GABRB2: variants seen among roughly 807,000 people sequenced by gnomAD.
The protein encoded by GABRB2 is gamma-aminobutyric acid receptor subunit beta-2.
A neutral mutation model predicts 54.7 loss-of-function variants in GABRB2; 16 were observed. That is an observed-to-expected ratio of 0.29 (90% CI 0.20 to 0.44). The LOEUF (loss-of-function observed/expected upper bound fraction) is 0.44. Among genes scored for constraint, GABRB2 ranks in the 20% least tolerant of loss-of-function variants. GABRB2 has a pLI of 1.00. For missense variants in GABRB2, 355 were observed against 644.0 expected, an observed-to-expected ratio of 0.55 and a Z score of 4.86; for synonymous variants, 244 against 233.8, an observed-to-expected ratio of 1.04 and a Z score of -0.40.
intron 3 of GABRB2, among the ~76,000 whole-genome samples, chr5:161,508,142 T>C (rs1205487257): frequency 6.6e-6 from 1 of 151,760 alleles, no homozygotes; most frequent in African/African-American, 2.4e-5. Flanking sequence ...TACTCTGCTA[T>C]AGGTACTATA....
chr5:161,390,851 T>C (rs1000296584), intron 5 of GABRB2, among the ~76,000 whole-genome samples: 4 of 152,140 alleles, frequency 2.6e-5, no homozygotes, highest in African/African-American at 7.2e-5. Context: ...TCGCCTATGT[T>C]CTTGCTTCTA....
chr5:161,507,293 G>A (rs1386592328), intron 3 of GABRB2, among the ~76,000 whole-genome samples: 3 of 151,982 alleles, frequency 2.0e-5, no homozygotes, highest in East Asian at 3.8e-4. Flanking sequence ...AATAAAGCCT[G>A]TTATTTAATG....
At chr5:161,393,529 T>C (rs911818664) in intron 5 of GABRB2, among the ~76,000 whole-genome samples, 1 of 151,600 alleles carries the variant, frequency 6.6e-6, no homozygotes, top group Non-Finnish European at 1.5e-5. Context: ...ACTTTAAATA[T>C]AAAGATACAG....
intron 4 of GABRB2, among the ~76,000 whole-genome samples, chr5:161,424,750 G>A (rs1476530001): frequency 1.3e-5 from 2 of 152,042 alleles, no homozygotes; most frequent in African/African-American, 4.8e-5. Flanking sequence ...CATTATTTAA[G>A]AAATACATTT....
rs71302909 is a variant in GABRB2 at position 161,428,288 on chromosome 5, C to CGTGTGTGTGTGT, written c.459-17243_459-17232dup. Among the ~76,000 whole-genome samples, 52 of 145,286 alleles carry CGTGTGTGTGTGT rather than the reference C, an allele frequency of 3.6e-4. 1 individual carries two copies. Among genetic ancestry groups the CGTGTGTGTGTGT allele is most frequent in the African/African-American group, 7.2e-4 (29 of 40,046 alleles). ...ACATATCTATCATCTCAGAGAGTTA[C>CGTGTGTGTGTGT]GTGTGTGTGTGTGTGTGTGTGTGTG... On this transcript the variant is annotated intron_variant, in intron 4 of 9. Coordinates refer to ENST00000393959, the MANE Select transcript of GABRB2 (RefSeq NM_001371727.1).
intron 3 of GABRB2, among the ~76,000 whole-genome samples, chr5:161,490,845 T>C (rs72813585): frequency 2.0e-5 from 3 of 151,866 alleles, no homozygotes; most frequent in Non-Finnish European, 4.4e-5. Context: ...ACGTGCTTAT[T>C]GTTATTAAGT....
chr5:161,414,061 A>G (rs965694956), intron 4 of GABRB2, among the ~76,000 whole-genome samples: 3 of 152,234 alleles, frequency 2.0e-5, no homozygotes, highest in Non-Finnish European at 4.4e-5. Context: ...TTAGTCCAGC[A>G]TTTTACTGTT....
chr5:161,382,353 G>T (rs1004507983), intron 5 of GABRB2, among the ~76,000 whole-genome samples: 1 of 152,132 alleles, frequency 6.6e-6, no homozygotes, highest in East Asian at 1.9e-4. Context: ...GACTGAGGGG[G>T]TACAGAATTG....
chr5:161,363,124 A>C (rs527891624), intron 5 of GABRB2, among the ~76,000 whole-genome samples: 4 of 152,358 alleles, frequency 2.6e-5, no homozygotes, highest in African/African-American at 9.6e-5. Flanking sequence ...ACTTGGAACC[A>C]ACCCAAATGC....
intron 5 of GABRB2, among the ~76,000 whole-genome samples, chr5:161,380,645 T>A (rs1486239074): frequency 6.6e-6 from 1 of 152,102 alleles, no homozygotes; most frequent in Non-Finnish European, 1.5e-5. Flanking sequence ...AAAAAAAATC[T>A]GACGTTTTAA....
intron 3 of GABRB2, 56 bp from the exon 4 acceptor site, chr5:161,459,900 A>T: frequency 2.2e-6 from 2 of 911,194 alleles, no homozygotes; most frequent in Non-Finnish European, 3.5e-6. Flanking sequence ...GATCTGGGGG[A>T]TAAGCAAACA....
chr5:161,535,709 A>T (rs1027303214), intron 3 of GABRB2, among the ~76,000 whole-genome samples: 3 of 152,224 alleles, frequency 2.0e-5, no homozygotes, highest in African/African-American at 7.2e-5. Flanking sequence ...GCATTAACAC[A>T]ATACCTGCAC....
At chr5:161,352,096 T>C (rs1754487717) in intron 5 of GABRB2, among the ~76,000 whole-genome samples, 1 of 151,946 alleles carries the variant, frequency 6.6e-6, no homozygotes, top group African/African-American at 2.4e-5. Context: ...TATATACCAC[T>C]GGCAAGAATG....
At chr5:161,322,781 C>A (rs908849208) in intron 9 of GABRB2, among the ~76,000 whole-genome samples, 1 of 151,906 alleles carries the variant, frequency 6.6e-6, no homozygotes, top group Non-Finnish European at 1.5e-5. Context: ...ATTTTTTGGC[C>A]AAATTGATTA....
rs903983617 is a variant in GABRB2 at position 161,523,067 on chromosome 5, T to G, written c.237+22160A>C. 4.0e-5 allele frequency among the ~76,000 whole-genome samples: 6 copies of G among 151,676 alleles called. No homozygotes were observed. The East Asian group carries it at 5.8e-4, about 15-fold the overall frequency. ...TTTTGGAATCTTTTGAGCTTGATACTATTATTATTTATATTCATACCCAAA... is the reference window on the plus strand; with the variant it reads ...TTTTGGAATCTTTTGAGCTTGATACGATTATTATTTATATTCATACCCAAA... On this transcript the variant is annotated intron_variant, in intron 3 of 9. Coordinates refer to ENST00000393959, the MANE Select transcript of GABRB2 (RefSeq NM_001371727.1).
chr5:161,545,129 T>G, intron 3 of GABRB2, 98 bp downstream of exon 3: 3 of 775,910 alleles, frequency 3.9e-6, no homozygotes, highest in Non-Finnish European at 4.2e-6. Context: ...CTCATACACA[T>G]AGCCAAGCAC....
chr5:161,523,793 T>C (rs551541939), intron 3 of GABRB2, among the ~76,000 whole-genome samples: 1 of 151,360 alleles, frequency 6.6e-6, no homozygotes, highest in African/African-American at 2.4e-5. Context: ...ATCTTATATA[T>C]ATACTGTAGG....
chr5:161,413,047 C>T (rs895023063), intron 4 of GABRB2, among the ~76,000 whole-genome samples: 1 of 152,176 alleles, frequency 6.6e-6, no homozygotes, highest in African/African-American at 2.4e-5. Context: ...GGATTACAGA[C>T]ATGAGCCACT....
At chr5:161,536,842 C>A (rs1400373559) in intron 3 of GABRB2, among the ~76,000 whole-genome samples, 2 of 152,110 alleles carry the variant, frequency 1.3e-5, no homozygotes, top group Non-Finnish European at 2.9e-5. Flanking sequence ...AGGTGATTCA[C>A]CCACCTCGGC....
Sources: gnomAD v4.1 joint callset for allele counts (sites outside exome capture counted in the v4.1 genomes callset) on GRCh38, gnomAD v4.1.1 for gene constraint, MANE v1.5 for transcripts, NCBI Gene and HGNC (gene_info 2026-07-23, HGNC 2026-07-21) for gene names.